Variants in SF3B3 observed in about 807,000 individuals in gnomAD.
SF3B3 encodes the protein SAP 130.
SF3B3 carries 33 observed loss-of-function variants against 139.2 expected under a neutral mutation model. That is an observed-to-expected ratio of 0.24 (90% CI 0.18 to 0.32). The LOEUF (loss-of-function observed/expected upper bound fraction) is 0.32, where lower values mean the gene tolerates loss of function less well. Among genes scored for constraint, SF3B3 ranks in the 10% least tolerant of loss-of-function variants. The pLI, the probability that SF3B3 is intolerant of heterozygous loss-of-function variation, is 1.00. For missense variants in SF3B3, 818 were observed against 1,509.4 expected, an observed-to-expected ratio of 0.54 and a Z score of 7.59; for synonymous variants, 596 against 563.6, an observed-to-expected ratio of 1.06 and a Z score of -0.81.
chr16:70,537,670 A>G (rs1310586753), intron 6 of SF3B3, among the ~76,000 whole-genome samples: 1 of 152,242 alleles, frequency 6.6e-6, no homozygotes, highest in East Asian at 1.9e-4. Context: ...TTGATTAGAC[A>G]TTGAGCACCT....
At chr16:70,569,244 CTG>C (rs2050505977) in intron 23 of SF3B3, 103 bp downstream of exon 23, 2 of 760,486 alleles carry the variant, frequency 2.6e-6, no homozygotes, top group East Asian at 5.5e-5. Flanking sequence ...GTGCACACGA[CTG>C]TGCTGAGTGC....
chr16:70,569,132 C>T lies in SF3B3; in HGVS notation c.3255C>T (p.Ala1085=). ...GGGACCGTGGCTTGCTCAATGGGGC[C>T]TCCCAGAAGGTAAGATTGCAGAATG... ...ALWDRGLLNG[A]SQKAEVIMNY... is the part of the protein sequence containing the mutation. The change falls in exon 23 of 26, where the codon GCC becomes GCT. Residue 1085 remains alanine (A), a synonymous_variant. Coordinates refer to ENST00000302516, the MANE Select transcript of SF3B3 (RefSeq NM_012426.5). The T allele has an allele frequency of 1.2e-6, 2 of 1,608,438 alleles. No homozygotes were observed. The highest frequency in any genetic ancestry group is 1.7e-6 in the Non-Finnish European group (2 of 1,176,934).
Position 70,556,158 on chromosome 16 carries a change from G to T in SF3B3, c.1711-21G>T, listed in dbSNP as rs369098989. On this transcript the variant is annotated intron_variant, in intron 13 of 25. Transcript: ENST00000302516. ...CCCATCCCTCTGTAGTTTTGACCTT[G>T]CTGTGTCTTTCCTCCTGTAGTCAGG... 7.1e-5 allele frequency: 115 copies of T among 1,613,890 alleles called. 1 individual carries two copies. The African/African-American group carries it at 1.3e-3, about 18-fold the overall frequency.
intron 22 of SF3B3, 33 bp from the exon 23 acceptor site, chr16:70,569,010 C>A: frequency 6.6e-7 from 1 of 1,522,746 alleles, no homozygotes; most frequent in Non-Finnish European, 9.0e-7. Context: ...AGGTCCGGGC[C>A]CCAGCAGTGT....
chr16:70,535,274 C>CA, intron 5 of SF3B3, 34 bp from the exon 6 acceptor site: 1 of 1,150,826 alleles, frequency 8.7e-7, no homozygotes, highest in Non-Finnish European at 1.3e-6. Context: ...ATGTCTGAGT[C>CA]AAAGTCACTG....
At chr16:70,534,081 C>T (rs1266652075) in intron 5 of SF3B3, among the ~76,000 whole-genome samples, 1 of 152,106 alleles carries the variant, frequency 6.6e-6, no homozygotes, top group African/African-American at 2.4e-5. Flanking sequence ...CATGACAGCA[C>T]AGAGAAGAGG....
intron 2 of SF3B3, among the ~76,000 whole-genome samples, chr16:70,527,861 C>G (rs909516803): frequency 6.6e-6 from 1 of 152,112 alleles, no homozygotes. Context: ...CTGCCACCTC[C>G]GCCTCCTGGG....
At chr16:70,543,940 G>C (rs1429040726) in intron 9 of SF3B3, among the ~76,000 whole-genome samples, 1 of 151,844 alleles carries the variant, frequency 6.6e-6, no homozygotes, top group Non-Finnish European at 1.5e-5. Flanking sequence ...TGTAGCCTCA[G>C]CCTCCTGGGC....
chr16:70,532,252 A>G (rs1001770557), intron 4 of SF3B3, among the ~76,000 whole-genome samples: 1 of 150,578 alleles, frequency 6.6e-6, no homozygotes, highest in East Asian at 2.0e-4. Flanking sequence ...AGATCGTGCC[A>G]TTGCACTCCA....
At chr16:70,554,993 C>A in intron 12 of SF3B3, 58 bp from the exon 13 acceptor site, 1 of 1,527,346 alleles carries the variant, frequency 6.5e-7, no homozygotes, top group Non-Finnish European at 9.0e-7. Flanking sequence ...ATGTGAGGGT[C>A]ATTCTGAGTG....
chr16:70,573,058 C>T lies in SF3B3; in HGVS notation c.*1245C>T, dbSNP rs1024266836. 4 of 152,210 alleles carry T rather than the reference C, an allele frequency of 2.6e-5. No individual in the cohort carries two copies. Among genetic ancestry groups the T allele is most frequent in the Admixed American group, 2.6e-4 (4 of 15,276 alleles). 9.4% of individuals were successfully genotyped at this position (152,210 alleles called of 1,614,324 possible). A position where few individuals can be genotyped will look rare whatever the true frequency, so the allele number is the denominator to read the frequency against. ...AGAATCAGGAATGGTGGAATACAAT[C>T]TGAACCTCTCAGAGCCCAGAACAGA... On this transcript the variant is annotated 3_prime_UTR_variant, in exon 26 of 26. Transcript: ENST00000302516.
Position 70,571,899 on chromosome 16 carries a change from G to T in SF3B3, c.*86G>T, listed in dbSNP as rs950860324. 2 of 1,474,876 alleles carry T rather than the reference G, an allele frequency of 1.4e-6. No individual in the cohort carries two copies. The highest frequency in any genetic ancestry group is 2.8e-5 in the African/African-American group (2 of 70,834). The allele number at this position is 1,474,876 out of a possible 1,614,324, so 91.4% of individuals were successfully genotyped here. A position where few individuals can be genotyped will look rare whatever the true frequency, so the allele number is the denominator to read the frequency against. On this transcript the variant is annotated 3_prime_UTR_variant, in exon 26 of 26. Coordinates refer to ENST00000302516, the MANE Select transcript of SF3B3 (RefSeq NM_012426.5). ...ACTGCCACCTGGCTTCTGCCATGTGGCAGGAGGGTGACTGGATAATTAAGA... is the reference window on the plus strand; with the variant it reads ...ACTGCCACCTGGCTTCTGCCATGTGTCAGGAGGGTGACTGGATAATTAAGA...
intron 14 of SF3B3, 97 bp downstream of exon 14, chr16:70,556,431 T>C: frequency 7.3e-7 from 1 of 1,365,438 alleles, no homozygotes. Flanking sequence ...TGTCTATCTC[T>C]GAGATCAGCT....
chr16:70,566,403 A>G (rs1236737785), intron 20 of SF3B3, among the ~76,000 whole-genome samples: 1 of 151,980 alleles, frequency 6.6e-6, no homozygotes, highest in Admixed American at 6.6e-5. Flanking sequence ...TCTCTATTAA[A>G]AATAAAAAAT....
At chr16:70,526,149 A>T (rs2050061528) in intron 1 of SF3B3, among the ~76,000 whole-genome samples, 1 of 151,896 alleles carries the variant, frequency 6.6e-6, no homozygotes, top group Admixed American at 6.6e-5. Context: ...ATAAAATCAA[A>T]TATGTATGTT....
chr16:70,563,354 G>A (rs528600546), intron 17 of SF3B3, among the ~76,000 whole-genome samples: 2 of 152,220 alleles, frequency 1.3e-5, no homozygotes, highest in South Asian at 2.1e-4. Flanking sequence ...GAGTACCTGG[G>A]TTCTGCTCAT....
At chr16:70,554,952 C>G in intron 12 of SF3B3, 99 bp from the exon 13 acceptor site, 1 of 1,171,288 alleles carries the variant, frequency 8.5e-7, no homozygotes, top group Non-Finnish European at 1.2e-6. Context: ...TGCAGTGGCC[C>G]CAGGTCTGAT....
chr16:70,553,517 CA>C (rs2050349085), intron 11 of SF3B3, among the ~76,000 whole-genome samples: 1 of 152,050 alleles, frequency 6.6e-6, no homozygotes, highest in African/African-American at 2.4e-5. Context: ...GGTGTTAAAA[CA>C]AAAATTCAAA....
chr16:70,550,755 G>A, intron 11 of SF3B3: 2 of 729,522 alleles, frequency 2.7e-6, no homozygotes, highest in Non-Finnish European at 3.4e-6. Flanking sequence ...AAATATTGAG[G>A]CTGCCCTGAT....
Sources: gnomAD v4.1 joint callset for allele counts (sites outside exome capture counted in the v4.1 genomes callset) on GRCh38, gnomAD v4.1.1 for gene constraint, MANE v1.5 for transcripts, NCBI Gene and HGNC (gene_info 2026-07-23, HGNC 2026-07-21) for gene names.